The following OTOGL variants were observed in gnomAD, a reference collection of about 807,000 sequenced individuals.
OTOGL encodes the protein otogelin like, also known as otogelin-like protein.
A neutral mutation model predicts 318.5 loss-of-function variants in OTOGL; 285 were observed. The ratio of observed to expected loss-of-function variants is 0.89; its 90% CI spans 0.81 to 0.99. OTOGL has a LOEUF of 0.99. Among genes scored for constraint, OTOGL ranks in the 50% least tolerant of loss-of-function variants. OTOGL has a pLI of 0.00. For missense variants in OTOGL, 2,899 were observed against 2,845.6 expected, an observed-to-expected ratio of 1.02 and a Z score of -0.43; for synonymous variants, 987 against 936.5, an observed-to-expected ratio of 1.05 and a Z score of -0.99.
intron 52 of OTOGL, among the ~76,000 whole-genome samples, chr12:80,360,369 CCTCTCTCCCCCT>C (rs1485562647): frequency 2.4e-5 from 3 of 124,426 alleles, no homozygotes; most frequent in Non-Finnish European, 5.2e-5. Flanking sequence ...TCTCACTCCC[CCTCTCTCCCCCT>C]CTCTCTCCCC....
intron 46 of OTOGL, among the ~76,000 whole-genome samples, chr12:80,355,414 A>G (rs907527365): frequency 5.3e-5 from 8 of 151,648 alleles, no homozygotes; most frequent in Admixed American, 6.6e-5. Context: ...GGTAGAGACA[A>G]GGTCTTACTC....
intron 4 of OTOGL, among the ~76,000 whole-genome samples, chr12:80,217,290 A>G (rs936320308): frequency 2.6e-5 from 4 of 151,624 alleles, no homozygotes; most frequent in Admixed American, 2.6e-4. Context: ...GCTGGGGGGA[A>G]GACTGGATGA....
At chr12:80,210,443 A>G (rs921470862) in intron 2 of OTOGL, among the ~76,000 whole-genome samples, 32 of 152,244 alleles carry the variant, frequency 2.1e-4, no homozygotes, top group African/African-American at 7.7e-4. Flanking sequence ...CTGAAACCCC[A>G]AGGAGAACGA....
chr12:80,257,976 T>A lies in OTOGL; in HGVS notation c.1863T>A (p.Phe621Leu). The change falls in exon 18 of 59, where the codon TTT becomes TTA. Residue 621 changes from phenylalanine to leucine, a missense_variant. By Grantham distance (22) the Phe-to-Leu change is conservative. Around this residue, in one of 3 missense-constraint regions of OTOGL, gnomAD observed 2,607 missense variants for 2,524.9 expected, o/e 1.03. Transcript: ENST00000547103. ...KRRTLGLCGT[F>L]NGNIRDDFLS... ...GAACATTAGGTCTGTGTGGCACTTT[T>A]AATGGCAACATAAGGGATGATTTTC... 6.3e-7 allele frequency: 1 copy of A among 1,592,102 alleles called. No individual in the cohort carries two copies. The highest frequency in any genetic ancestry group is 8.5e-7 in the Non-Finnish European group (1 of 1,177,498).
chr12:80,211,576 A>C (rs935662626), intron 3 of OTOGL, among the ~76,000 whole-genome samples: 1 of 152,192 alleles, frequency 6.6e-6, no homozygotes, highest in African/African-American at 2.4e-5. Context: ...CTGTTTGAAC[A>C]AAGGGAAGGT....
At chr12:80,106,253 T>C (rs941129173) in intron 1 of OTOGL, among the ~76,000 whole-genome samples, 1 of 152,198 alleles carries the variant, frequency 6.6e-6, no homozygotes, top group African/African-American at 2.4e-5. Context: ...AAATCATTTT[T>C]TCCTGCCTTC....
In OTOGL at chr12:80,238,500, G is replaced by A. The variant is rs1034368201; in HGVS notation, c.818-351G>A. ...TTACACTAAACGTTTATATTTTTTC[G>A]TTTTACGCATATTTTTTCTCCTTTC... is the stretch of plus-strand genomic sequence containing the variant. On this transcript the variant is annotated intron_variant, in intron 9 of 58. Transcript: ENST00000547103. 3.3e-5 allele frequency among the ~76,000 whole-genome samples: 5 copies of A among 151,900 alleles called. No homozygotes were observed. In the South Asian group the frequency reaches 6.2e-4, roughly 19 times the overall value.
At chr12:80,205,061 C>T (rs1052015171) in intron 1 of OTOGL, among the ~76,000 whole-genome samples, 1 of 152,084 alleles carries the variant, frequency 6.6e-6, no homozygotes, top group Non-Finnish European at 1.5e-5. Flanking sequence ...CCCCTACTGC[C>T]ACTAAAAAAT....
intron 30 of OTOGL, among the ~76,000 whole-genome samples, chr12:80,311,603 C>T (rs937392718): frequency 7.9e-5 from 12 of 152,104 alleles, no homozygotes; most frequent in African/African-American, 2.9e-4. Flanking sequence ...GACCGGGTCT[C>T]GCCATGTTGG....
intron 44 of OTOGL, among the ~76,000 whole-genome samples, chr12:80,346,860 C>T (rs1889229884): frequency 6.6e-6 from 1 of 152,094 alleles, no homozygotes; most frequent in African/African-American, 2.4e-5. Flanking sequence ...GGAGGGTGAG[C>T]ATTTGTAGAT....
chr12:80,128,320 G>A (rs1297884036), intron 1 of OTOGL, among the ~76,000 whole-genome samples: 1 of 152,212 alleles, frequency 6.6e-6, no homozygotes, highest in East Asian at 1.9e-4. Context: ...GACCCTGTTT[G>A]CCTGGGTTTC....
chr12:80,172,612 T>A (rs541201213), intron 1 of OTOGL, among the ~76,000 whole-genome samples: 91 of 152,178 alleles, frequency 6.0e-4, no homozygotes, highest in African/African-American at 2.1e-3. Context: ...CTATGTTTTT[T>A]TTTTCCTATC....
chr12:80,310,545 T>G, intron 29 of OTOGL, 66 bp from the exon 30 acceptor site: 1 of 1,069,904 alleles, frequency 9.3e-7, no homozygotes, highest in Non-Finnish European at 1.4e-6. Context: ...TGAAGTTGGG[T>G]AGGTTACTCT....
chr12:80,309,316 GA>G (rs1886472099), intron 29 of OTOGL, among the ~76,000 whole-genome samples: 1 of 152,118 alleles, frequency 6.6e-6, no homozygotes, highest in South Asian at 2.1e-4. Flanking sequence ...ACAAAGTGGG[GA>G]TTGTGATGGT....
Position 80,318,593 on chromosome 12 carries a change from C to G in OTOGL, c.3682C>G (p.Leu1228Val). 6.9e-7 allele frequency: 1 copy of G among 1,443,998 alleles called. No individual in the cohort carries two copies. Among genetic ancestry groups the G allele is most frequent in the South Asian group, 1.6e-5 (1 of 63,852 alleles). The allele number at this position is 1,443,998 out of a possible 1,614,324, so 89.4% of individuals were successfully genotyped here. A position where few individuals can be genotyped will look rare whatever the true frequency, so the allele number is the denominator to read the frequency against. Residue 1228 changes from leucine to valine, a missense_variant, in exon 33 of 59, where the codon CTT becomes GTT. By Grantham distance (32) the Leu-to-Val change is conservative. This residue lies in a region of OTOGL where 2,607 missense variants were observed against 2,524.9 expected (regional missense o/e 1.03). Coordinates refer to ENST00000547103, the MANE Select transcript of OTOGL (RefSeq NM_001378609.3). Reference protein sequence around the residue: ...YMLASYGQSGLVLGANMTSRS... With the variant: ...YMLASYGQSGVVLGANMTSRS... ...GCTGGCAAGCTATGGGCAGAGTGGC[C>G]TTGTTCTGGGGGCCAATATGACCAG...
chr12:80,349,904 A>G (rs1889436047), intron 44 of OTOGL, among the ~76,000 whole-genome samples: 1 of 152,240 alleles, frequency 6.6e-6, no homozygotes, highest in South Asian at 2.1e-4. Flanking sequence ...TAATCAACAA[A>G]TGCATTACCT....
At position 80,201,101 on chromosome 12, in the gene OTOGL, A is replaced by G. The variant is rs529225398; in HGVS notation, c.-19-8312A>G. Among the ~76,000 whole-genome samples, 6 of 152,304 alleles carry G rather than the reference A, an allele frequency of 3.9e-5. No homozygotes were observed. The East Asian group carries it at 1.2e-3, about 29-fold the overall frequency. The stretch of plus-strand genomic sequence containing the variant: ...TGTTTTCCCAGAGGTAGTAGCCCTT[A>G]GGCATAACCTATGGAGGCAAGTGGA... On this transcript the variant is annotated intron_variant, in intron 1 of 58. Coordinates refer to ENST00000547103, the MANE Select transcript of OTOGL (RefSeq NM_001378609.3).
chr12:80,250,348 A>G (rs1881425751), intron 11 of OTOGL, among the ~76,000 whole-genome samples: 1 of 152,164 alleles, frequency 6.6e-6, no homozygotes, highest in African/African-American at 2.4e-5. Context: ...GGTGTCACAT[A>G]TTAATGTGCC....
At chr12:80,337,148 G>A (rs1334581341) in intron 42 of OTOGL, 144 bp downstream of exon 42, 5 of 673,862 alleles carry the variant, frequency 7.4e-6, no homozygotes, top group Non-Finnish European at 1.2e-5. Flanking sequence ...AATATAAAAT[G>A]TGTTTCTTAA....
Sources: gnomAD v4.1 joint callset for allele counts (sites outside exome capture counted in the v4.1 genomes callset) on GRCh38, gnomAD v4.1.1 for gene constraint, gnomAD v4.1.1 regional missense constraint, MANE v1.5 for transcripts, NCBI Gene and HGNC (gene_info 2026-07-23, HGNC 2026-07-21) for gene names.